Variants in ORC2 observed in about 807,000 individuals in gnomAD.
ORC2 encodes the protein origin recognition complex protein 2 homolog.
ORC2 carries 37 observed loss-of-function variants against 77.7 expected under a neutral mutation model. The ratio of observed to expected loss-of-function variants is 0.48; its 90% CI spans 0.37 to 0.63. ORC2 has a LOEUF of 0.63. Ranked by LOEUF, ORC2 falls within the 20% of genes least tolerant of loss-of-function variation. The pLI is 0.00. For synonymous variants in ORC2, 201 were observed against 229.5 expected, an observed-to-expected ratio of 0.88 and a Z score of 1.12; for missense variants, 557 against 661.9, an observed-to-expected ratio of 0.84 and a Z score of 1.74.
chr2:200,963,057 G>C (rs1262825020), intron 1 of ORC2: 1 of 160,692 alleles, frequency 6.2e-6, no homozygotes, highest in Non-Finnish European at 1.3e-5. Flanking sequence ...ACCTCACAGG[G>C]CACTTTACCA....
chr2:200,960,833 G>A (rs2041557439), intron 1 of ORC2, among the ~76,000 whole-genome samples: 1 of 151,940 alleles, frequency 6.6e-6, no homozygotes, highest in African/African-American at 2.4e-5. Flanking sequence ...CTGGAGTGCA[G>A]AGGCTCAGTT....
At chr2:200,942,131 T>C (rs1160962694) in intron 6 of ORC2, among the ~76,000 whole-genome samples, 1 of 152,154 alleles carries the variant, frequency 6.6e-6, no homozygotes, top group Non-Finnish European at 1.5e-5. Flanking sequence ...AATAGTGTGC[T>C]GTAATTGTGC....
intron 17 of ORC2, among the ~76,000 whole-genome samples, chr2:200,911,971 A>G (rs2040558483): frequency 6.6e-6 from 1 of 152,178 alleles, no homozygotes; most frequent in Admixed American, 6.5e-5. Flanking sequence ...AGATATTTTC[A>G]GTCTTAATCT....
chr2:200,926,158 A>G (rs2040835233), intron 12 of ORC2, among the ~76,000 whole-genome samples: 1 of 152,194 alleles, frequency 6.6e-6, no homozygotes, highest in Non-Finnish European at 1.5e-5. Flanking sequence ...ATGTACAGGT[A>G]ATAGGTAATA....
intron 1 of ORC2, among the ~76,000 whole-genome samples, chr2:200,961,815 A>G (rs1343439855): frequency 6.6e-6 from 1 of 152,222 alleles, no homozygotes; most frequent in Non-Finnish European, 1.5e-5. Context: ...TCACACAATG[A>G]ATTTTTGGCT....
intron 15 of ORC2, among the ~76,000 whole-genome samples, chr2:200,915,460 G>T (rs2040630871): frequency 6.6e-6 from 1 of 152,094 alleles, no homozygotes; most frequent in South Asian, 2.1e-4. Flanking sequence ...CTTAATGGAT[G>T]ACTGGATACA....
At chr2:200,937,455 G>A (rs2041067704) in intron 8 of ORC2, among the ~76,000 whole-genome samples, 1 of 152,096 alleles carries the variant, frequency 6.6e-6, no homozygotes, top group Admixed American at 6.5e-5. Flanking sequence ...TACTATTATT[G>A]TCAAGGGTCA....
At chr2:200,936,853 A>C (rs1178122009) in intron 8 of ORC2, among the ~76,000 whole-genome samples, 1 of 152,212 alleles carries the variant, frequency 6.6e-6, no homozygotes, top group African/African-American at 2.4e-5. Flanking sequence ...TTCACACTAA[A>C]CAGGCATAAA....
intron 11 of ORC2, among the ~76,000 whole-genome samples, chr2:200,930,308 C>A (rs1294486895): frequency 6.6e-6 from 1 of 152,128 alleles, no homozygotes; most frequent in Non-Finnish European, 1.5e-5. Context: ...TTCCAACAAA[C>A]TTGCTGACTA....
intron 4 of ORC2, among the ~76,000 whole-genome samples, chr2:200,954,984 T>C (rs1452720665): frequency 6.6e-6 from 1 of 152,170 alleles, no homozygotes; most frequent in South Asian, 2.1e-4. Context: ...CTCAGGCCTT[T>C]GAGGATGCCA....
At chr2:200,922,754 C>T (rs141868126) in intron 13 of ORC2, among the ~76,000 whole-genome samples, 301 of 152,190 alleles carry the variant, frequency 2.0e-3, no homozygotes, top group Middle Eastern at 0.01. Flanking sequence ...CAGACGCACA[C>T]AAATATAAAG....
At chr2:200,917,625 TACAC>T (rs956789545) in intron 15 of ORC2, among the ~76,000 whole-genome samples, 5 of 152,310 alleles carry the variant, frequency 3.3e-5, no homozygotes, top group Admixed American at 2.0e-4. Flanking sequence ...GCACAGAACT[TACAC>T]ACACGAGTGC....
At chr2:200,912,138 C>A (rs2040560338) in intron 17 of ORC2, among the ~76,000 whole-genome samples, 1 of 152,154 alleles carries the variant, frequency 6.6e-6, no homozygotes, top group African/African-American at 2.4e-5. Context: ...TGTTAAATGT[C>A]ACATTTCTGG....
At position 200,913,934 on chromosome 2, in the gene ORC2, T is replaced by C. The variant is rs774403513; in HGVS notation, c.1525A>G (p.Ile509Val). The change falls in exon 16 of 18, where the codon ATT becomes GTT. Residue 509 changes from isoleucine (I) to valine (V), a missense_variant. Ile to Val is a conservative substitution (Grantham distance 29). Transcript: ENST00000234296. ...GAATGTCATAAATATTGGATACCAA[T>C]GTAAGAAGGGTTATCCTGGTTGTCC... is the stretch of plus-strand genomic sequence containing the variant. ...QLDNQDNPSYIGLSFQDFYQQ... is the reference protein window; with the variant it reads ...QLDNQDNPSYVGLSFQDFYQQ... The C allele has an allele frequency of 1.3e-6, 2 of 1,586,342 alleles. No homozygotes were observed. Among genetic ancestry groups the C allele is most frequent in the Non-Finnish European group, 1.7e-6 (2 of 1,171,882 alleles).
intron 10 of ORC2, among the ~76,000 whole-genome samples, chr2:200,932,076 G>A (rs576858087): frequency 7.0e-4 from 106 of 151,930 alleles, no homozygotes; most frequent in African/African-American, 2.4e-3. Context: ...TTAGAGTTGC[G>A]ATAAATATTC....
At position 200,914,413 on chromosome 2, in the gene ORC2, G is replaced by A. The variant is rs528094054; in HGVS notation, c.1467-421C>T. 2.2e-4 allele frequency among the ~76,000 whole-genome samples: 34 copies of A among 152,168 alleles called. No individual in the cohort carries two copies. In the South Asian group the frequency reaches 6.2e-3, roughly 28 times the overall value. ...GATCTCCTGATCTCGTGATCCGCCC[G>A]CCTCGGCCTCCCAAAGTGCTGGGAT... On this transcript the variant is annotated intron_variant, in intron 15 of 17. Transcript: ENST00000234296.
At chr2:200,941,767 G>A (rs1000424978) in intron 6 of ORC2, among the ~76,000 whole-genome samples, 3 of 152,222 alleles carry the variant, frequency 2.0e-5, no homozygotes, top group South Asian at 2.1e-4. Context: ...CAGGAGGATC[G>A]CTTGAGGTCA....
intron 14 of ORC2, among the ~76,000 whole-genome samples, chr2:200,920,682 A>C (rs2040740391): frequency 6.6e-6 from 1 of 152,214 alleles, no homozygotes; most frequent in Non-Finnish European, 1.5e-5. Flanking sequence ...GATTATCAGA[A>C]AGTCTATAAA....
chr2:200,952,983 G>A (rs1019612564), intron 4 of ORC2, among the ~76,000 whole-genome samples: 11 of 151,528 alleles, frequency 7.3e-5, no homozygotes, highest in African/African-American at 1.2e-4. Flanking sequence ...ATGGTGGTCC[G>A]CACCTGTAGT....
Sources: allele counts gnomAD v4.1 joint callset (sites outside exome capture counted in the v4.1 genomes callset), GRCh38; gene constraint gnomAD v4.1.1; transcripts MANE v1.5; gene names NCBI Gene and HGNC (gene_info 2026-07-23, HGNC 2026-07-21).